Variants in MARCHF1 observed in about 807,000 individuals in gnomAD.
The protein encoded by MARCHF1 is membrane associated ring-CH-type finger 1, also known as E3 ubiquitin-protein ligase MARCHF1.
In MARCHF1, 40 loss-of-function variants were observed where a neutral mutation model predicts 54.2. The ratio of observed to expected loss-of-function variants is 0.74; its 90% CI spans 0.57 to 0.96. The LOEUF is 0.96. Ranked by LOEUF, MARCHF1 falls within the 40% of genes least tolerant of loss-of-function variation. The pLI, the probability that MARCHF1 is intolerant of heterozygous loss-of-function variation, is 0.00. For synonymous variants in MARCHF1, 236 were observed against 236.3 expected (o/e 1.00, Z 0.01); for missense variants, 586 against 656.5 (o/e 0.89, Z 1.17).
intron 3 of MARCHF1, among the ~76,000 whole-genome samples, chr4:163,980,128 T>G (rs1381566822): frequency 7.0e-6 from 1 of 143,846 alleles, no homozygotes; most frequent in Non-Finnish European, 1.5e-5. Flanking sequence ...ACTACAAGGC[T>G]ACAGTAACCA....
intron 3 of MARCHF1, among the ~76,000 whole-genome samples, chr4:163,920,215 T>G (rs1304746075): frequency 6.6e-6 from 1 of 152,192 alleles, no homozygotes; most frequent in African/African-American, 2.4e-5. Flanking sequence ...GGTCAAGCTC[T>G]GCTTTCGTTC....
chr4:163,929,987 TATATA>T lies in MARCHF1; in HGVS notation c.-39+58509_-39+58513del, dbSNP rs1264402225. ...TAATATATATAATATATATAATATA[TATATA>T]ATATATTATATATAAATATATTATA... On this transcript the variant is annotated intron_variant, in intron 3 of 9. Coordinates refer to ENST00000514618, the MANE Select transcript of MARCHF1 (RefSeq NM_001394959.1). Among the ~76,000 whole-genome samples, 99 of 132,580 alleles carry T rather than the reference TATATA, an allele frequency of 7.5e-4. 1 individual carries two copies. Among genetic ancestry groups the T allele is most frequent in the Non-Finnish European group, 9.7e-4 (62 of 63,788 alleles). The allele number at this position is 132,580 out of a possible 152,430, so 87.0% of individuals were successfully genotyped here.
At chr4:163,831,131 C>T (rs891524221) in intron 4 of MARCHF1, among the ~76,000 whole-genome samples, 3 of 152,168 alleles carry the variant, frequency 2.0e-5, no homozygotes, top group South Asian at 2.1e-4. Context: ...AAATTCTCTT[C>T]GTAACTGACT....
At chr4:164,069,919 G>A (rs1754827419) in intron 2 of MARCHF1, among the ~76,000 whole-genome samples, 2 of 152,316 alleles carry the variant, frequency 1.3e-5, no homozygotes, top group South Asian at 2.1e-4. Flanking sequence ...ATATACCATG[G>A]AATACTATGC....
intron 1 of MARCHF1, among the ~76,000 whole-genome samples, chr4:164,126,071 G>A (rs1056606166): frequency 9.2e-5 from 14 of 152,166 alleles, no homozygotes; most frequent in Admixed American, 8.5e-4. Context: ...AAACGACTAA[G>A]GTTCCAGTCT....
chr4:164,014,506 C>T (rs971653565), intron 2 of MARCHF1, among the ~76,000 whole-genome samples: 5 of 151,912 alleles, frequency 3.3e-5, no homozygotes, highest in Non-Finnish European at 5.9e-5. Flanking sequence ...CAAACAACCA[C>T]AAAACAGATA....
chr4:163,884,146 G>A (rs185820032), intron 3 of MARCHF1, among the ~76,000 whole-genome samples: 23 of 152,198 alleles, frequency 1.5e-4, no homozygotes, highest in Admixed American at 5.2e-4. Flanking sequence ...CATCAGTGGC[G>A]TAGCTCAGGG....
intron 1 of MARCHF1, among the ~76,000 whole-genome samples, chr4:164,367,740 T>C (rs1730916448): frequency 6.6e-6 from 1 of 152,002 alleles, no homozygotes; most frequent in African/African-American, 2.4e-5. Flanking sequence ...TTTTTCAGTA[T>C]TCTAAAACAA....
At chr4:163,820,587 G>T (rs1444045076) in intron 4 of MARCHF1, among the ~76,000 whole-genome samples, 1 of 151,982 alleles carries the variant, frequency 6.6e-6, no homozygotes, top group African/African-American at 2.4e-5. Context: ...AAAGCCATCA[G>T]TTTTACTATC....
At chr4:163,571,509 T>G (rs1258448228) in intron 8 of MARCHF1, among the ~76,000 whole-genome samples, 1 of 152,140 alleles carries the variant, frequency 6.6e-6, no homozygotes, top group Non-Finnish European at 1.5e-5. Context: ...TGTTGTGTGG[T>G]CTTCTGTATG....
At chr4:163,609,607 CTG>C (rs34278549) in intron 7 of MARCHF1, among the ~76,000 whole-genome samples, 59,853 of 148,586 alleles carry the variant, frequency 0.4, 12,130 homozygotes, top group Admixed American at 0.46. Flanking sequence ...AAAGGTCTTT[CTG>C]TGTGTGTGTG....
chr4:164,350,911 G>C (rs1047762577), intron 1 of MARCHF1, among the ~76,000 whole-genome samples: 2 of 152,062 alleles, frequency 1.3e-5, no homozygotes, highest in Admixed American at 6.5e-5. Context: ...TGCGTGCACC[G>C]GGCGCGAGCC....
intron 2 of MARCHF1, among the ~76,000 whole-genome samples, chr4:164,010,964 T>A (rs1753407883): frequency 6.6e-6 from 1 of 152,122 alleles, no homozygotes; most frequent in Non-Finnish European, 1.5e-5. Context: ...TCCACAAATT[T>A]ACAGCCAACT....
intron 1 of MARCHF1, among the ~76,000 whole-genome samples, chr4:164,201,466 C>T (rs558255133): frequency 3.3e-5 from 5 of 152,176 alleles, no homozygotes; most frequent in Admixed American, 6.5e-5. Flanking sequence ...GTGACCCGCC[C>T]GCCTGGGACT....
At chr4:163,616,377 A>AAT (rs1741510280) in intron 5 of MARCHF1, among the ~76,000 whole-genome samples, 1 of 152,260 alleles carries the variant, frequency 6.6e-6, no homozygotes, top group South Asian at 2.1e-4. Flanking sequence ...TAATATATAG[A>AAT]ATATACAAGG....
intron 1 of MARCHF1, among the ~76,000 whole-genome samples, chr4:164,336,407 C>T (rs1729740266): frequency 6.6e-6 from 1 of 152,194 alleles, no homozygotes; most frequent in Non-Finnish European, 1.5e-5. Flanking sequence ...GATTTACCAG[C>T]CTCAAAGAAC....
At chr4:164,367,681 C>T (rs79848883) in intron 1 of MARCHF1, among the ~76,000 whole-genome samples, 2 of 150,618 alleles carry the variant, frequency 1.3e-5, no homozygotes, top group East Asian at 2.0e-4. Context: ...CAATTTTCTA[C>T]AACGTTTGTT....
intron 1 of MARCHF1, among the ~76,000 whole-genome samples, chr4:164,323,833 G>A (rs966768236): frequency 3.3e-5 from 5 of 151,552 alleles, no homozygotes; most frequent in South Asian, 2.1e-4. Flanking sequence ...TAAAGAGATC[G>A]GAAATGTGAT....
At position 164,176,968 on chromosome 4, in the gene MARCHF1, C is replaced by CCA. The variant is rs1201114627; in HGVS notation, c.-322-65307_-322-65306insTG. ...TCTCTCTCTCTCTCTCTCTCTCTCT[C>CCA]TCTCTCTCTCTCTATATATATATAT... On this transcript the variant is annotated intron_variant, in intron 1 of 9. Transcript: ENST00000514618. 1.5e-3 allele frequency among the ~76,000 whole-genome samples: 65 copies of CCA among 43,326 alleles called. 1 individual carries two copies. The highest frequency in any genetic ancestry group is 2.2e-3 in the Non-Finnish European group (54 of 24,046). The allele number at this position is 43,326 out of a possible 152,430, so 28.4% of individuals were successfully genotyped here. A position where few individuals can be genotyped will look rare whatever the true frequency, so the allele number is the denominator to read the frequency against.
Sources: gnomAD v4.1 joint callset for allele counts (sites outside exome capture counted in the v4.1 genomes callset) on GRCh38, gnomAD v4.1.1 for gene constraint, MANE v1.5 for transcripts, NCBI Gene and HGNC (gene_info 2026-07-23, HGNC 2026-07-21) for gene names.